Variants in KIN observed in about 807,000 individuals in gnomAD.
KIN encodes the protein Kin17 DNA and RNA binding protein, also known as DNA/RNA-binding protein KIN17.
A neutral mutation model predicts 63.0 loss-of-function variants in KIN; 47 were observed. That is an observed-to-expected ratio of 0.75 (90% CI 0.59 to 0.95). KIN has a LOEUF of 0.95. KIN is among the 40% of genes least tolerant of loss of function. KIN has a pLI of 0.00. For synonymous variants in KIN, 160 were observed against 157.7 expected (o/e 1.01, Z -0.11); for missense variants, 408 against 460.9 (o/e 0.89, Z 1.05).
At chr10:7,763,322 A>G (rs1835473823) in intron 10 of KIN, among the ~76,000 whole-genome samples, 1 of 152,238 alleles carries the variant, frequency 6.6e-6, no homozygotes, top group Non-Finnish European at 1.5e-5. Context: ...GCAAAACACA[A>G]GAAGTCCTCA....
chr10:7,777,839 C>T (rs1835810199), intron 5 of KIN, among the ~76,000 whole-genome samples: 1 of 150,136 alleles, frequency 6.7e-6, no homozygotes, highest in Non-Finnish European at 1.5e-5. Context: ...GCGGGGGTTG[C>T]AGTCAGCTGA....
At chr10:7,773,313 G>A (rs560859875) in intron 7 of KIN, among the ~76,000 whole-genome samples, 19 of 152,230 alleles carry the variant, frequency 1.2e-4, no homozygotes, top group East Asian at 3.9e-4. Flanking sequence ...CTGTTACAGC[G>A]ACCATAGAAA....
chr10:7,768,824 C>T (rs865907240), intron 8 of KIN, among the ~76,000 whole-genome samples: 3 of 152,034 alleles, frequency 2.0e-5, no homozygotes, highest in South Asian at 2.1e-4. Flanking sequence ...TGAGATCAGC[C>T]TGGCAAACAT....
In KIN at chr10:7,762,541, A is replaced by T; in HGVS notation, c.934T>A (p.Tyr312Asn). The change falls in exon 11 of 13, where the codon TAT (tyrosine) becomes AAT (asparagine). Residue 312 changes from tyrosine to asparagine, a missense_variant. Transcript: ENST00000379562. ...TCAATCATCTTCACAACAGCTGTAT[A>T]TTTGTCAATTACTTCCTGTCATGTA... ...KAIVKEVIDK[Y>N]TAVVKMIDSG... 6.2e-7 allele frequency: 1 copy of T among 1,603,252 alleles called. No homozygotes were observed. Among genetic ancestry groups the T allele is most frequent in the South Asian group, 1.1e-5 (1 of 89,930 alleles).
intron 8 of KIN, among the ~76,000 whole-genome samples, chr10:7,768,608 A>G (rs910279127): frequency 6.6e-5 from 10 of 152,154 alleles, no homozygotes; most frequent in African/African-American, 2.4e-4. Flanking sequence ...CAAAGTCAAC[A>G]GGAGAGTAGC....
At chr10:7,770,534 C>G (rs1277273632) in intron 7 of KIN, among the ~76,000 whole-genome samples, 1 of 152,166 alleles carries the variant, frequency 6.6e-6, no homozygotes, top group African/African-American at 2.4e-5. Flanking sequence ...TCACACTGCA[C>G]CTTGTATGAT....
Position 7,754,416 on chromosome 10 carries a change from T to TC in KIN, c.*1663_*1664insG, listed in dbSNP as rs1267292378. 2 of 206,986 alleles carry TC rather than the reference T, an allele frequency of 9.7e-6. No individual in the cohort carries two copies. Among genetic ancestry groups the TC allele is most frequent in the African/African-American group, 4.7e-5 (2 of 42,250 alleles). The allele number at this position is 206,986 out of a possible 1,614,324, so 12.8% of individuals were successfully genotyped here. On this transcript the variant is annotated 3_prime_UTR_variant, in exon 13 of 13. Coordinates refer to ENST00000379562, the MANE Select transcript of KIN (RefSeq NM_012311.4). Reference sequence around the variant, plus strand: ...TTGGGAGGCTGAGGCGGGCAGATCATAAGGTCAAGAGATCGAGACCATCCT... The same window carrying TC: ...TTGGGAGGCTGAGGCGGGCAGATCATCAAGGTCAAGAGATCGAGACCATCCT...
Position 7,783,142 on chromosome 10 carries a change from G to A in KIN, c.148C>T (p.His50Tyr). The A allele has an allele frequency of 1.2e-6, 2 of 1,600,786 alleles. No homozygotes were observed. Among genetic ancestry groups the A allele is most frequent in the South Asian group, 1.1e-5 (1 of 88,522 alleles). ...GAAGCCAGCAATAGTTGTCTCTGAT[G>A]AGATTCGGACATACAATGACACTTA... is the stretch of plus-strand genomic sequence containing the variant. ...GFKCHCMSES[H>Y]QRQLLLASEN... Residue 50 changes from histidine to tyrosine, a missense_variant, in exon 2 of 13, where the codon CAT becomes TAT. Coordinates refer to ENST00000379562, the MANE Select transcript of KIN (RefSeq NM_012311.4).
rs1279777621 is a variant in KIN, at chr10:7,780,066, C to T, written c.366G>A (p.Leu122=). The T allele has an allele frequency of 6.2e-7, 1 of 1,612,034 alleles. No homozygotes were observed. Among genetic ancestry groups the T allele is most frequent in the Non-Finnish European group, 8.5e-7 (1 of 1,179,030 alleles). Residue 122 remains leucine (L), a synonymous_variant, in exon 4 of 13, where the codon CTG becomes CTA. Transcript: ENST00000379562. ...AAATCTCATTCTTACCTTCTCTGCC[C>T]AGCCACTTAGTAAAATCAGTCAGAG... ...WETLTDFTKW[L]GREGLCKVDE...
Position 7,778,951 on chromosome 10 carries a change from T to C in KIN, c.445A>G (p.Ile149Val), listed in dbSNP as rs1019856324. 6.2e-7 allele frequency: 1 copy of C among 1,614,154 alleles called. No individual in the cohort carries two copies. The highest frequency in any genetic ancestry group is 2.2e-5 in the East Asian group (1 of 44,882). ...TTCTCCAGTTCCAGTTGCCGGCGGA[T>C]AGTTTCTGGGTCCCTGTCTATGTAC... is the stretch of plus-strand genomic sequence containing the variant. ...IQYIDRDPET[I>V]RRQLELEKKK... Residue 149 changes from isoleucine to valine, a missense_variant, in exon 5 of 13, where the codon ATC becomes GTC. By Grantham distance (29) the Ile-to-Val change is conservative. Coordinates refer to ENST00000379562, the MANE Select transcript of KIN (RefSeq NM_012311.4).
chr10:7,771,568 A>G (rs1242074969), intron 7 of KIN, among the ~76,000 whole-genome samples: 2 of 152,096 alleles, frequency 1.3e-5, no homozygotes, highest in African/African-American at 2.4e-5. Context: ...TAGACACTTG[A>G]GTTTATTTAA....
intron 1 of KIN, among the ~76,000 whole-genome samples, chr10:7,785,599 C>A (rs1013233125): frequency 2.0e-5 from 3 of 152,120 alleles, no homozygotes; most frequent in Non-Finnish European, 4.4e-5. Context: ...TTGAGACCAG[C>A]CTGGCCAACG....
intron 2 of KIN, among the ~76,000 whole-genome samples, chr10:7,781,279 A>C (rs1000077012): frequency 6.6e-6 from 1 of 152,156 alleles, no homozygotes; most frequent in South Asian, 2.1e-4. Flanking sequence ...CAGATCTGAG[A>C]AATGGCCTAA....
intron 7 of KIN, among the ~76,000 whole-genome samples, chr10:7,773,288 C>A (rs997378585): frequency 1.3e-5 from 2 of 152,076 alleles, no homozygotes; most frequent in African/African-American, 4.8e-5. Flanking sequence ...TTTAAGCCAC[C>A]CAGTTTGTGG....
intron 5 of KIN, among the ~76,000 whole-genome samples, chr10:7,776,889 C>T (rs11255359): frequency 6.7e-6 from 1 of 149,820 alleles, no homozygotes; most frequent in African/African-American, 2.5e-5. Context: ...AGCCCCCCAT[C>T]TCTATTAAAA....
At chr10:7,779,597 C>T (rs1270030042) in intron 4 of KIN, among the ~76,000 whole-genome samples, 2 of 152,282 alleles carry the variant, frequency 1.3e-5, no homozygotes, top group East Asian at 3.9e-4. Flanking sequence ...CATGCACAGA[C>T]ATTTTTTCCT....
rs1835735937 is a variant in KIN at position 7,774,818 on chromosome 10, T to C, written c.668+13A>G. On this transcript the variant is annotated intron_variant, in intron 7 of 12. Coordinates refer to ENST00000379562, the MANE Select transcript of KIN (RefSeq NM_012311.4). ...CCTAATGTTTTAAGATATCCGTGAA[T>C]GATGCAGCTCACCTTGACTTGGAAG... is the stretch of plus-strand genomic sequence containing the variant. 4 of 1,599,370 alleles carry C rather than the reference T, an allele frequency of 2.5e-6. No individual in the cohort carries two copies. The highest frequency in any genetic ancestry group is 4.5e-5 in the East Asian group (2 of 44,800).
At position 7,755,868 on chromosome 10, in the gene KIN, A is replaced by AT. The variant is rs2130979768; in HGVS notation, c.*211dup. 1 of 364,616 alleles carries AT rather than the reference A, an allele frequency of 2.7e-6. No individual in the cohort carries two copies. Among genetic ancestry groups the AT allele is most frequent in the South Asian group, 1.0e-4 (1 of 10,022 alleles). The allele number at this position is 364,616 out of a possible 1,614,324, so 22.6% of individuals were successfully genotyped here. ...CAAGTAAATTACAAAGGAAACAAAA[A>AT]TAACAAGGACAAAATTACATAGTTT... On this transcript the variant is annotated 3_prime_UTR_variant, in exon 13 of 13. Transcript: ENST00000379562.
At position 7,784,652 on chromosome 10, in the gene KIN, T is replaced by C. The variant is rs547239851; in HGVS notation, c.115-1477A>G. On this transcript the variant is annotated intron_variant, in intron 1 of 12. Coordinates refer to ENST00000379562, the MANE Select transcript of KIN (RefSeq NM_012311.4). Reference sequence around the variant, plus strand: ...TAGTTGATGAGCAAAAGCTCATTTGTACAAAAGCATGGCAGCCAATCATAA... The same window carrying C: ...TAGTTGATGAGCAAAAGCTCATTTGCACAAAAGCATGGCAGCCAATCATAA... Among the ~76,000 whole-genome samples, 4 of 152,216 alleles carry C rather than the reference T, an allele frequency of 2.6e-5. No homozygotes were observed. The South Asian group carries it at 6.2e-4, about 24-fold the overall frequency.
Sources: gnomAD v4.1 joint callset for allele counts (sites outside exome capture counted in the v4.1 genomes callset) on GRCh38, gnomAD v4.1.1 for gene constraint, MANE v1.5 for transcripts, NCBI Gene and HGNC (gene_info 2026-07-23, HGNC 2026-07-21) for gene names.